Variants in ITSN1 observed in about 807,000 individuals in gnomAD.
ITSN1 encodes intersectin 1.
A neutral mutation model predicts 239.8 loss-of-function variants in ITSN1; 58 were observed. That is an observed-to-expected ratio of 0.24 (90% confidence interval 0.20 to 0.30). The LOEUF is 0.30. Ranked by LOEUF, ITSN1 falls within the 10% of genes least tolerant of loss-of-function variation. ITSN1 has a pLI of 1.00. For missense variants in ITSN1, 1,558 were observed against 2,103.3 expected, an observed-to-expected ratio of 0.74 and a Z score of 5.07; for synonymous variants, 780 against 770.8, an observed-to-expected ratio of 1.01 and a Z score of -0.20.
intron 29 of ITSN1, among the ~76,000 whole-genome samples, chr21:33,839,024 C>G (rs1354058039): frequency 6.6e-6 from 1 of 152,198 alleles, no homozygotes; most frequent in East Asian, 1.9e-4. Flanking sequence ...TGATTCCATC[C>G]TCATGAGCTT....
chr21:33,720,698 G>A (rs1289795516), intron 2 of ITSN1, among the ~76,000 whole-genome samples: 1 of 151,928 alleles, frequency 6.6e-6, no homozygotes, highest in Admixed American at 6.6e-5. Flanking sequence ...ATATAGAGTT[G>A]TGCAGCCATC....
chr21:33,840,323 G>A (rs2074778758), intron 29 of ITSN1, among the ~76,000 whole-genome samples: 1 of 151,974 alleles, frequency 6.6e-6, no homozygotes, highest in South Asian at 2.1e-4. Context: ...GTTTAAAGGT[G>A]TCAGGTTTTG....
At chr21:33,667,376 A>G (rs2089994760) in intron 1 of ITSN1, among the ~76,000 whole-genome samples, 1 of 152,206 alleles carries the variant, frequency 6.6e-6, no homozygotes, top group Non-Finnish European at 1.5e-5. Context: ...TTGGTAAAAA[A>G]TGTATGTGCC....
chr21:33,783,275 A>T (rs1159596410), intron 16 of ITSN1, among the ~76,000 whole-genome samples: 1 of 152,222 alleles, frequency 6.6e-6, no homozygotes, highest in Non-Finnish European at 1.5e-5. Flanking sequence ...AAACAAAATT[A>T]AAAATTAGCA....
Position 33,740,322 on chromosome 21 carries a change from G to T in ITSN1, c.346+5118G>T, listed in dbSNP as rs1021646449. 3.3e-5 allele frequency among the ~76,000 whole-genome samples: 5 copies of T among 152,288 alleles called. No homozygotes were observed. In the East Asian group the frequency reaches 7.7e-4, roughly 24 times the overall value. On this transcript the variant is annotated intron_variant, in intron 5 of 39. Transcript: ENST00000381318. ...GTCTTAGGGGCAAGCTTAGCTATAA[G>T]GAGTACAGTGTAGACCCAAGCCTTG...
rs750088086 is a variant in ITSN1 at position 33,874,178 on chromosome 21, A to AAAAAG, written c.4174-1176_4174-1175insAAAAG. Among the ~76,000 whole-genome samples, 7 of 130,814 alleles carry AAAAAG rather than the reference A, an allele frequency of 5.4e-5. 1 individual carries two copies. The highest frequency in any genetic ancestry group is 2.4e-4 in the South Asian group (1 of 4,160). 85.8% of individuals were successfully genotyped at this position (130,814 alleles called of 152,430 possible). On this transcript the variant is annotated intron_variant, in intron 33 of 39. Coordinates refer to ENST00000381318, the MANE Select transcript of ITSN1 (RefSeq NM_003024.3). ...TCTCAAAAAAAAAAAAAAAAAAAAAAGAACATTTATATAACCAACCCAAAT... is the reference window on the plus strand; with the variant it reads ...TCTCAAAAAAAAAAAAAAAAAAAAAAAAAAGGAACATTTATATAACCAACCCAAAT...
At chr21:33,695,084 G>A (rs1276456574) in intron 1 of ITSN1, among the ~76,000 whole-genome samples, 1 of 152,122 alleles carries the variant, frequency 6.6e-6, no homozygotes, top group Non-Finnish European at 1.5e-5. Context: ...CAAAATGCTG[G>A]GATTACAGGC....
chr21:33,689,551 C>T (rs2091408881), intron 1 of ITSN1, among the ~76,000 whole-genome samples: 1 of 152,056 alleles, frequency 6.6e-6, no homozygotes, highest in Non-Finnish European at 1.5e-5. Context: ...TGATGTATAC[C>T]TCTAGTCCTA....
rs1178418457 is a variant in ITSN1 at position 33,888,720 on chromosome 21, A to G, written c.*420A>G. 6.5e-6 allele frequency: 1 copy of G among 154,838 alleles called. No individual in the cohort carries two copies. Among genetic ancestry groups the G allele is most frequent in the African/African-American group, 2.4e-5 (1 of 41,510 alleles). 9.6% of individuals were successfully genotyped at this position (154,838 alleles called of 1,614,324 possible). On this transcript the variant is annotated 3_prime_UTR_variant, in exon 40 of 40. Transcript: ENST00000381318. Reference sequence around the variant, plus strand: ...TTCTTACATCCACCAGTCCCCAAGTAGACTTCTTGGCCTACAATGCCCAGT... The same window carrying G: ...TTCTTACATCCACCAGTCCCCAAGTGGACTTCTTGGCCTACAATGCCCAGT...
At chr21:33,652,478 A>T (rs561755911) in intron 1 of ITSN1, among the ~76,000 whole-genome samples, 1 of 152,242 alleles carries the variant, frequency 6.6e-6, no homozygotes, top group East Asian at 1.9e-4. Flanking sequence ...CTTTTTTGCT[A>T]CATCGTCATA....
intron 16 of ITSN1, among the ~76,000 whole-genome samples, chr21:33,783,334 A>C (rs921723445): frequency 1.3e-5 from 2 of 152,234 alleles, no homozygotes; most frequent in Admixed American, 6.5e-5. Flanking sequence ...ATTCTAGGCC[A>C]AATTGTCTAG....
chr21:33,778,639 C>T (rs1282290616), intron 14 of ITSN1, among the ~76,000 whole-genome samples: 6 of 104,808 alleles, frequency 5.7e-5, no homozygotes, highest in South Asian at 3.2e-4. Flanking sequence ...AGTGCAGTGG[C>T]GCAATCTCGG....
At chr21:33,702,202 G>A (rs1270506287) in intron 1 of ITSN1, among the ~76,000 whole-genome samples, 1 of 100,704 alleles carries the variant, frequency 9.9e-6, no homozygotes, top group Non-Finnish European at 2.1e-5. Flanking sequence ...TGCAGCCTCC[G>A]CCTCCCAGGT....
intron 1 of ITSN1, among the ~76,000 whole-genome samples, chr21:33,654,252 C>T (rs533591981): frequency 9.5e-5 from 14 of 147,942 alleles, no homozygotes; most frequent in Admixed American, 4.1e-4. Flanking sequence ...GAGACGATCT[C>T]GCTGTGTTGC....
At chr21:33,873,682 C>T (rs955206198) in intron 33 of ITSN1, among the ~76,000 whole-genome samples, 1 of 151,752 alleles carries the variant, frequency 6.6e-6, no homozygotes, top group Non-Finnish European at 1.5e-5. Context: ...ATCAGTCTGG[C>T]CAACATGGCG....
chr21:33,721,384 G>A, intron 3 of ITSN1, 114 bp downstream of exon 3: 1 of 703,094 alleles, frequency 1.4e-6, no homozygotes. Context: ...ACATTTACCT[G>A]TTTTGCCCTA....
intron 16 of ITSN1, among the ~76,000 whole-genome samples, chr21:33,787,440 A>G (rs1181239289): frequency 1.3e-5 from 2 of 152,216 alleles, no homozygotes; most frequent in East Asian, 3.9e-4. Flanking sequence ...AGGCTGTTAG[A>G]AATATAAATT....
chr21:33,764,462 A>G (rs1296560957), intron 9 of ITSN1, among the ~76,000 whole-genome samples: 1 of 152,184 alleles, frequency 6.6e-6, no homozygotes, highest in East Asian at 1.9e-4. Flanking sequence ...GGTATCTTGC[A>G]TATGGGTATC....
chr21:33,690,790 C>CATATATAT (rs1167375498), intron 1 of ITSN1, among the ~76,000 whole-genome samples: 1 of 12,964 alleles, frequency 7.7e-5, no homozygotes, highest in Non-Finnish European at 1.3e-4. Context: ...TATATATATA[C>CATATATAT]ATATATATAT....
Sources: gnomAD v4.1 joint callset for allele counts (sites outside exome capture counted in the v4.1 genomes callset) on GRCh38, gnomAD v4.1.1 for gene constraint, MANE v1.5 for transcripts, NCBI Gene and HGNC (gene_info 2026-07-23, HGNC 2026-07-21) for gene names.